MAGI2: variants seen among roughly 807,000 people sequenced by gnomAD.
MAGI2 encodes the protein membrane associated guanylate kinase, WW and PDZ domain containing 2.
Under a neutral mutation model 133.3 loss-of-function variants are expected in MAGI2, and 35 were observed. That is an observed-to-expected ratio of 0.26 (90% CI 0.20 to 0.35). The LOEUF is 0.35. Among genes scored for constraint, MAGI2 ranks in the 10% least tolerant of loss-of-function variants. The pLI is 1.00. For missense variants in MAGI2, 1,636 were observed against 1,863.4 expected (o/e 0.88, Z 2.25); for synonymous variants, 729 against 710.6 (o/e 1.03, Z -0.41).
intron 1 of MAGI2, among the ~76,000 whole-genome samples, chr7:79,046,880 T>C (rs1812225262): frequency 6.6e-6 from 1 of 152,250 alleles, no homozygotes. Flanking sequence ...ATGTCATTTA[T>C]AAGATTCAGC....
At chr7:79,214,395 CTCTCTCTCTCTCTATATATA>C (rs1184330036) in intron 1 of MAGI2, among the ~76,000 whole-genome samples, 60 of 89,040 alleles carry the variant, frequency 6.7e-4, no homozygotes, top group African/African-American at 2.3e-3. Flanking sequence ...CTCTCTCTCT[CTCTCTCTCTCTCTATATATA>C]TATATATATA....
At chr7:78,913,764 T>G (rs763261129) in intron 2 of MAGI2, among the ~76,000 whole-genome samples, 1 of 152,216 alleles carries the variant, frequency 6.6e-6, no homozygotes, top group Non-Finnish European at 1.5e-5. Context: ...TGTTTCTGTC[T>G]GTACTAGGTG....
At chr7:78,094,759 T>C (rs1363712169) in intron 20 of MAGI2, among the ~76,000 whole-genome samples, 1 of 152,228 alleles carries the variant, frequency 6.6e-6, no homozygotes, top group Non-Finnish European at 1.5e-5. Context: ...CTCCTGCCCT[T>C]TTCCCACTGG....
intron 1 of MAGI2, among the ~76,000 whole-genome samples, chr7:79,028,127 G>C (rs571356418): frequency 6.7e-6 from 1 of 150,308 alleles, no homozygotes; most frequent in Non-Finnish European, 1.5e-5. Context: ...CAGGAGAATC[G>C]CTTGAACCCG....
intron 1 of MAGI2, among the ~76,000 whole-genome samples, chr7:79,020,435 T>G (rs1012892707): frequency 6.6e-6 from 1 of 152,164 alleles, no homozygotes; most frequent in Non-Finnish European, 1.5e-5. Flanking sequence ...ACCCATTTTC[T>G]GAGGAGAAAT....
At chr7:79,292,669 G>A (rs1266851465) in intron 1 of MAGI2, among the ~76,000 whole-genome samples, 1 of 147,590 alleles carries the variant, frequency 6.8e-6, no homozygotes, top group Non-Finnish European at 1.5e-5. Context: ...TTTTAAAATT[G>A]GGAGGTACCC....
chr7:78,557,912 A>G (rs1353472972), intron 3 of MAGI2, among the ~76,000 whole-genome samples: 1 of 152,190 alleles, frequency 6.6e-6, no homozygotes, highest in Non-Finnish European at 1.5e-5. Context: ...ATCTCTATAA[A>G]GTCATCCTGG....
chr7:78,957,478 T>C (rs574152783), intron 2 of MAGI2, among the ~76,000 whole-genome samples: 1 of 152,168 alleles, frequency 6.6e-6, no homozygotes, highest in African/African-American at 2.4e-5. Context: ...GACTGATAAA[T>C]TTACTATATG....
At position 78,018,991 on chromosome 7, in the gene MAGI2, G is replaced by A; in HGVS notation, c.*324C>T. 1 of 400,424 alleles carries A rather than the reference G, an allele frequency of 2.5e-6. No individual in the cohort carries two copies. The highest frequency in any genetic ancestry group is 2.1e-5 in the African/African-American group (1 of 48,680). The allele number at this position is 400,424 out of a possible 1,614,324, so 24.8% of individuals were successfully genotyped here. ...TTTGGATGACATCCAAGTCCTTCAT[G>A]CAGTGGGGAGGAATATTTTTTTTTC... On this transcript the variant is annotated 3_prime_UTR_variant, in exon 22 of 22. Coordinates refer to ENST00000354212, the MANE Select transcript of MAGI2 (RefSeq NM_012301.4).
intron 3 of MAGI2, among the ~76,000 whole-genome samples, chr7:78,597,521 A>G (rs1015634622): frequency 6.9e-6 from 1 of 144,892 alleles, no homozygotes; most frequent in East Asian, 2.0e-4. Flanking sequence ...TTCATAACCC[A>G]TAAGATTTCA....
At chr7:78,525,487 A>G (rs1403728514) in intron 3 of MAGI2, among the ~76,000 whole-genome samples, 1 of 152,212 alleles carries the variant, frequency 6.6e-6, no homozygotes, top group East Asian at 1.9e-4. Context: ...ACGTACCAGT[A>G]TGTTTTCAGA....
intron 2 of MAGI2, among the ~76,000 whole-genome samples, chr7:78,901,859 C>A (rs1178361756): frequency 6.6e-6 from 1 of 152,030 alleles, no homozygotes; most frequent in Non-Finnish European, 1.5e-5. Context: ...GATATGTATT[C>A]CTCTTTTATA....
intron 1 of MAGI2, among the ~76,000 whole-genome samples, chr7:79,084,543 T>C (rs1816318241): frequency 6.6e-6 from 1 of 151,808 alleles, no homozygotes; most frequent in African/African-American, 2.4e-5. Context: ...TTTCAATGTT[T>C]ACTGATACTT....
intron 1 of MAGI2, among the ~76,000 whole-genome samples, chr7:79,024,928 T>C (rs1809721596): frequency 6.6e-6 from 1 of 152,160 alleles, no homozygotes; most frequent in African/African-American, 2.4e-5. Flanking sequence ...GTTCAAATAT[T>C]GTGAAGGGCT....
At chr7:78,476,823 G>A (rs1156397437) in intron 6 of MAGI2, among the ~76,000 whole-genome samples, 1 of 151,704 alleles carries the variant, frequency 6.6e-6, no homozygotes, top group Non-Finnish European at 1.5e-5. Context: ...AAGCTTGGTG[G>A]TTAGGTCACA....
Position 78,134,352 on chromosome 7 carries a change from C to T in MAGI2, c.3031+669G>A, listed in dbSNP as rs578016855. On this transcript the variant is annotated intron_variant, in intron 17 of 21. Transcript: ENST00000354212. The stretch of plus-strand genomic sequence containing the variant: ...CTCCAGAAATGGAATTCTTCAATAT[C>T]GTTGATGAGTCAGCAGCCAGAAACT... The T allele has an allele frequency of 1.7e-4, 26 of 152,300 alleles. 1 individual carries two copies. Among genetic ancestry groups the T allele is most frequent in the South Asian group, 4.2e-4 (2 of 4,816 alleles). The allele number at this position is 152,300 out of a possible 1,614,324, so 9.4% of individuals were successfully genotyped here. A position where few individuals can be genotyped will look rare whatever the true frequency, so the allele number is the denominator to read the frequency against.
intron 21 of MAGI2, among the ~76,000 whole-genome samples, chr7:78,038,979 T>G (rs1322066325): frequency 6.6e-6 from 1 of 152,228 alleles, no homozygotes; most frequent in Non-Finnish European, 1.5e-5. Context: ...ACGTTAATAG[T>G]GTTTTTAAGT....
chr7:78,212,963 C>A (rs1444715579), intron 10 of MAGI2, among the ~76,000 whole-genome samples: 2 of 152,156 alleles, frequency 1.3e-5, no homozygotes, highest in East Asian at 1.9e-4. Flanking sequence ...GCGTGAGCCA[C>A]CACACCCAGC....
chr7:79,369,275 C>A (rs1160314627), intron 1 of MAGI2, among the ~76,000 whole-genome samples: 2 of 152,120 alleles, frequency 1.3e-5, no homozygotes, highest in Non-Finnish European at 2.9e-5. Context: ...ATTGCAGGTA[C>A]CTAATTCTTC....
Sources: allele counts gnomAD v4.1 joint callset (sites outside exome capture counted in the v4.1 genomes callset), GRCh38; gene constraint gnomAD v4.1.1; transcripts MANE v1.5; gene names NCBI Gene and HGNC (gene_info 2026-07-23, HGNC 2026-07-21).